SYNGR3: variants seen among roughly 807,000 people sequenced by gnomAD.
SYNGR3 encodes the protein synaptogyrin-3.
In SYNGR3, 10 loss-of-function variants were observed where a neutral mutation model predicts 18.5. The observed-to-expected ratio is 0.54, with a 90% CI of 0.33 to 0.92. The LOEUF is 0.92. SYNGR3 is among the 40% of genes least tolerant of loss of function. The pLI, the probability that SYNGR3 is intolerant of heterozygous loss-of-function variation, is 0.02. For missense variants in SYNGR3, 335 were observed against 332.8 expected, an observed-to-expected ratio of 1.01 and a Z score of -0.05; for synonymous variants, 188 against 157.2, an observed-to-expected ratio of 1.20 and a Z score of -1.47.
In SYNGR3 at chr16:1,993,546, G is replaced by A. The variant is rs576581523; in HGVS notation, c.*474G>A. Reference sequence around the variant, plus strand: ...TAGTGACTGTCTCGTTTCTGTCATGGTGGTGCGTCCCGTCCGGAGCCACTC... The same window carrying A: ...TAGTGACTGTCTCGTTTCTGTCATGATGGTGCGTCCCGTCCGGAGCCACTC... On this transcript the variant is annotated 3_prime_UTR_variant, in exon 4 of 4. Transcript: ENST00000248121. 1.5e-5 allele frequency: 7 copies of A among 461,946 alleles called. No individual in the cohort carries two copies. The highest frequency in any genetic ancestry group is 7.9e-5 in the African/African-American group (4 of 50,388). The allele number at this position is 461,946 out of a possible 1,614,324, so 28.6% of individuals were successfully genotyped here. A position where few individuals can be genotyped will look rare whatever the true frequency, so the allele number is the denominator to read the frequency against.
rs748625102 is a variant in SYNGR3, at chr16:1,992,981, G to A, written c.599G>A (p.Ser200Asn). ...SQAYPGYPVG[S>N]GVEGTETYQS... ...GCCTACCCCGGCTATCCGGTGGGCAGCGGCGTGGAGGGCACCGAGACCTAC... is the reference window on the plus strand; with the variant it reads ...GCCTACCCCGGCTATCCGGTGGGCAACGGCGTGGAGGGCACCGAGACCTAC... The change falls in exon 4 of 4, where the codon AGC becomes AAC. Residue 200 changes from serine (S) to asparagine (N), a missense_variant. By Grantham distance (46) the Ser-to-Asn change is conservative. Coordinates refer to ENST00000248121, the MANE Select transcript of SYNGR3 (RefSeq NM_004209.6). 4.3e-6 allele frequency: 7 copies of A among 1,611,880 alleles called. No homozygotes were observed. Among genetic ancestry groups the A allele is most frequent in the South Asian group, 1.1e-5 (1 of 91,010 alleles).
In SYNGR3 at chr16:1,992,883, C is replaced by T. The variant is rs1313961587; in HGVS notation, c.501C>T (p.Ala167=). ...ILSWVALTVK[A]LQRFRLGTDM... is the part of the protein sequence containing the mutation. ...CGCAGGTGGCGCTCACCGTGAAGGC[C>T]CTGCAGCGGTTCCGCCTGGGCACCG... The change falls in exon 4 of 4, where the codon GCC becomes GCT. Residue 167 remains alanine (A), a synonymous_variant. Coordinates refer to ENST00000248121, the MANE Select transcript of SYNGR3 (RefSeq NM_004209.6). 1.9e-6 allele frequency: 3 copies of T among 1,594,102 alleles called. No individual in the cohort carries two copies. The highest frequency in any genetic ancestry group is 2.6e-6 in the Non-Finnish European group (3 of 1,169,604).
Position 1,990,220 on chromosome 16 carries a change from G to A in SYNGR3, c.99+19G>A. The A allele has an allele frequency of 8.0e-7, 1 of 1,248,580 alleles. No homozygotes were observed. Among genetic ancestry groups the A allele is most frequent in the Non-Finnish European group, 1.0e-6 (1 of 987,560 alleles). 77.3% of individuals were successfully genotyped at this position (1,248,580 alleles called of 1,614,324 possible). ...GTCCTGGGTGAGTGGTCCCTGCCCG[G>A]GCCCCCGCTCCCGCCCCTGCCTCGC... On this transcript the variant is annotated intron_variant, in intron 1 of 3. Coordinates refer to ENST00000248121, the MANE Select transcript of SYNGR3 (RefSeq NM_004209.6).
intron 1 of SYNGR3, chr16:1,990,585 G>A (rs1162908166): frequency 2.3e-6 from 1 of 425,686 alleles, no homozygotes; most frequent in Non-Finnish European, 4.7e-6. Context: ...GGGGGCTACG[G>A]GAACCGAGAA....
intron 1 of SYNGR3, chr16:1,991,349 T>G (rs1414796403): frequency 6.5e-6 from 1 of 152,768 alleles, no homozygotes; most frequent in African/African-American, 2.4e-5. Context: ...CAGCACTGCA[T>G]GAGCTGTGCC....
chr16:1,990,767 C>T (rs1373561446), intron 1 of SYNGR3: 1 of 191,622 alleles, frequency 5.2e-6, no homozygotes, highest in South Asian at 5.2e-5. Flanking sequence ...TGGGGCGTCC[C>T]TGGGAGGGCC....
At position 1,992,168 on chromosome 16, in the gene SYNGR3, C is replaced by T. The variant is rs2083607562; in HGVS notation, c.294C>T (p.Val98=). The part of the protein sequence containing the change: ...LDVRFQQISS[V]RDRRRAVLLD... ...TGCGCTTCCAGCAAATCAGCAGCGT[C>T]CGCGACCGCCGGCGCGCGGTGTTGC... The change falls in exon 2 of 4, where the codon GTC becomes GTT. Residue 98 remains valine (V), a synonymous_variant. Transcript: ENST00000248121. 6.9e-7 allele frequency: 1 copy of T among 1,459,216 alleles called. No homozygotes were observed. Among genetic ancestry groups the T allele is most frequent in the Non-Finnish European group, 9.0e-7 (1 of 1,105,834 alleles). 90.4% of individuals were successfully genotyped at this position (1,459,216 alleles called of 1,614,324 possible).
Position 1,992,881 on chromosome 16 carries a change from G to A in SYNGR3, c.499G>A (p.Ala167Thr), listed in dbSNP as rs374198453. 2.3e-5 allele frequency: 37 copies of A among 1,589,364 alleles called. No homozygotes were observed. In the Middle Eastern group the frequency reaches 1.7e-3, roughly 72 times the overall value. Residue 167 changes from alanine to threonine, a missense_variant, in exon 4 of 4, where the codon GCC becomes ACC. Transcript: ENST00000248121. ...CGCGCAGGTGGCGCTCACCGTGAAG[G>A]CCCTGCAGCGGTTCCGCCTGGGCAC... ...ILSWVALTVK[A>T]LQRFRLGTDM...
In SYNGR3 at chr16:1,993,154, T is replaced by TC. The variant is rs1322437374; in HGVS notation, c.*84dup. 1 of 1,486,236 alleles carries TC rather than the reference T, an allele frequency of 6.7e-7. No homozygotes were observed. 92.1% of individuals were successfully genotyped at this position (1,486,236 alleles called of 1,614,324 possible). On this transcript the variant is annotated 3_prime_UTR_variant, in exon 4 of 4. Coordinates refer to ENST00000248121, the MANE Select transcript of SYNGR3 (RefSeq NM_004209.6). ...GTCTCCGGGACCTCCCTTGGGTCCT[T>TC]CCAGCTCAGTGCCGCGGACAGAGTA...
chr16:1,991,348 A>C (rs1174991335), intron 1 of SYNGR3: 1 of 152,772 alleles, frequency 6.5e-6, no homozygotes, highest in African/African-American at 2.4e-5. Flanking sequence ...CCAGCACTGC[A>C]TGAGCTGTGC....
At position 1,992,014 on chromosome 16, in the gene SYNGR3, GC is replaced by G; in HGVS notation, c.141del (p.Tyr48ThrfsTer2). 6.3e-7 allele frequency: 1 copy of G among 1,593,052 alleles called. No homozygotes were observed. Among genetic ancestry groups the G allele is most frequent in the Non-Finnish European group, 8.5e-7 (1 of 1,171,572 alleles). The part of the protein sequence containing the change: ...IAVFGPIVNE[G>X]YVNTDSGPEL... ...GTCTTCGGGCCCATCGTCAACGAGG[GC>G]TACGTGAACACCGACAGCGGCCCCG... On this transcript the variant is annotated frameshift_variant, in exon 2 of 4. Transcript: ENST00000248121. LOFTEE classifies it high-confidence loss of function.
At position 1,990,192 on chromosome 16, in the gene SYNGR3, C is replaced by A. The variant is rs963243940; in HGVS notation, c.90C>A (p.Val30=). The change falls in exon 1 of 4, where the codon GTC becomes GTA. Residue 30 remains valine, a synonymous_variant. Coordinates refer to ENST00000248121, the MANE Select transcript of SYNGR3 (RefSeq NM_004209.6). The part of the protein sequence containing the change: ...FARRPQTLLR[V]ASWVFSIAVF... ...GGCGGCCCCAGACCCTGCTCCGGGT[C>A]GCGTCCTGGGTGAGTGGTCCCTGCC... The A allele has an allele frequency of 7.8e-7, 1 of 1,279,098 alleles. No individual in the cohort carries two copies. Among genetic ancestry groups the A allele is most frequent in the South Asian group, 2.5e-5 (1 of 40,180 alleles). The allele number at this position is 1,279,098 out of a possible 1,614,324, so 79.2% of individuals were successfully genotyped here.
chr16:1,992,038 C>A lies in SYNGR3; in HGVS notation c.164C>A (p.Pro55His), dbSNP rs755280789. The A allele has an allele frequency of 6.3e-7, 1 of 1,580,878 alleles. No individual in the cohort carries two copies. Residue 55 changes from proline to histidine, a missense_variant, in exon 2 of 4, where the codon CCC becomes CAC. By Grantham distance (77) the Pro-to-His change is moderately conservative. Coordinates refer to ENST00000248121, the MANE Select transcript of SYNGR3 (RefSeq NM_004209.6). ...NEGYVNTDSGPELRCVFNGNA... is the reference protein window; with the variant it reads ...NEGYVNTDSGHELRCVFNGNA... ...GGCTACGTGAACACCGACAGCGGCC[C>A]CGAGCTGCGCTGCGTGTTCAACGGG...
chr16:1,990,722 G>A, intron 1 of SYNGR3: 1 of 254,970 alleles, frequency 3.9e-6, no homozygotes, highest in South Asian at 2.8e-5. Context: ...CCTGGCGGCG[G>A]TGTGGAAGGC....
rs905612846 is a variant in SYNGR3 at position 1,993,519 on chromosome 16, G to T, written c.*447G>T. On this transcript the variant is annotated 3_prime_UTR_variant, in exon 4 of 4. Coordinates refer to ENST00000248121, the MANE Select transcript of SYNGR3 (RefSeq NM_004209.6). ...ACTGTTCCCATCCCATGTCCCTGTG[G>T]GTAGTGACTGTCTCGTTTCTGTCAT... 19 of 468,026 alleles carry T rather than the reference G, an allele frequency of 4.1e-5. No individual in the cohort carries two copies. Among genetic ancestry groups the T allele is most frequent in the African/African-American group, 2.6e-4 (13 of 50,558 alleles). The allele number at this position is 468,026 out of a possible 1,614,324, so 29.0% of individuals were successfully genotyped here.
chr16:1,990,099 G>C lies in SYNGR3; in HGVS notation c.-4G>C. On this transcript the variant is annotated 5_prime_UTR_variant, in exon 1 of 4. Coordinates refer to ENST00000248121, the MANE Select transcript of SYNGR3 (RefSeq NM_004209.6). ...CAGGGGCGCGCGTCCCGCCCGGGCC[G>C]GCCATGGAGGGCGCCTCCTTCGGCG... 1 of 1,203,332 alleles carries C rather than the reference G, an allele frequency of 8.3e-7. No homozygotes were observed. Among genetic ancestry groups the C allele is most frequent in the Non-Finnish European group, 1.0e-6 (1 of 968,206 alleles). The allele number at this position is 1,203,332 out of a possible 1,614,324, so 74.5% of individuals were successfully genotyped here.
Position 1,993,178 on chromosome 16 carries a change from T to C in SYNGR3, c.*106T>C, listed in dbSNP as rs760379027. ...TTCCAGCTCAGTGCCGCGGACAGAG[T>C]AGGTGGCCGCTTTGCGCCATCCGGG... is the stretch of plus-strand genomic sequence containing the variant. On this transcript the variant is annotated 3_prime_UTR_variant, in exon 4 of 4. Coordinates refer to ENST00000248121, the MANE Select transcript of SYNGR3 (RefSeq NM_004209.6). The C allele has an allele frequency of 3.8e-5, 52 of 1,382,284 alleles. No individual in the cohort carries two copies. The highest frequency in any genetic ancestry group is 4.1e-5 in the Non-Finnish European group (42 of 1,020,020). The allele number at this position is 1,382,284 out of a possible 1,614,324, so 85.6% of individuals were successfully genotyped here. A position where few individuals can be genotyped will look rare whatever the true frequency, so the allele number is the denominator to read the frequency against.
rs986106550 is a variant in SYNGR3, at chr16:1,990,011, A to G, written c.-92A>G. 1.2e-4 allele frequency: 48 copies of G among 395,718 alleles called. No homozygotes were observed. The highest frequency in any genetic ancestry group is 1.7e-3 in the Middle Eastern group (2 of 1,188). 24.5% of individuals were successfully genotyped at this position (395,718 alleles called of 1,614,324 possible). On this transcript the variant is annotated 5_prime_UTR_variant, in exon 1 of 4. Transcript: ENST00000248121. ...CAGCGTTGGTAGCATCAGCATCAGC[A>G]TCAGCGGCAGCGGCAGCGGCCTCGG...
At chr16:1,990,374 G>A (rs2083596452) in intron 1 of SYNGR3, 173 bp downstream of exon 1, 1 of 442,094 alleles carries the variant, frequency 2.3e-6, no homozygotes, top group Non-Finnish European at 4.0e-6. Context: ...ACGTCACCGG[G>A]CAGGGCGCGC....
Sources: gnomAD v4.1 joint callset for allele counts on GRCh38, gnomAD v4.1.1 for gene constraint, MANE v1.5 for transcripts, NCBI Gene and HGNC (gene_info 2026-07-23, HGNC 2026-07-21) for gene names.